ADAMTS12: variants seen among roughly 807,000 people sequenced by gnomAD.
ADAMTS12 encodes ADAM metallopeptidase with thrombospondin type 1 motif 12.
In ADAMTS12, 118 loss-of-function variants were observed where a neutral mutation model predicts 167.8. That is an observed-to-expected ratio of 0.70 (90% confidence interval 0.61 to 0.82). The LOEUF (loss-of-function observed/expected upper bound fraction) is 0.82. Among genes scored for constraint, ADAMTS12 ranks in the 40% least tolerant of loss-of-function variants. The pLI, the probability that ADAMTS12 is intolerant of heterozygous loss-of-function variation, is 0.00. For missense variants in ADAMTS12, 1,916 were observed against 1,998.8 expected, an observed-to-expected ratio of 0.96 and a Z score of 0.79; for synonymous variants, 704 against 716.9, an observed-to-expected ratio of 0.98 and a Z score of 0.29.
chr5:33,631,827 T>C (rs959518593), intron 12 of ADAMTS12, among the ~76,000 whole-genome samples: 1 of 152,188 alleles, frequency 6.6e-6, no homozygotes, highest in African/African-American at 2.4e-5. Flanking sequence ...TTGGGGTCTC[T>C]TCTGGATGTG....
chr5:33,664,752 A>G (rs1741407814), intron 5 of ADAMTS12, among the ~76,000 whole-genome samples: 1 of 152,154 alleles, frequency 6.6e-6, no homozygotes, highest in South Asian at 2.1e-4. Flanking sequence ...TTCTCAAAAA[A>G]TTAAAAAAAG....
chr5:33,725,619 G>A (rs145282361), intron 3 of ADAMTS12, among the ~76,000 whole-genome samples: 1 of 152,340 alleles, frequency 6.6e-6, no homozygotes, highest in African/African-American at 2.4e-5. Flanking sequence ...ACAGAACCGG[G>A]ACTTGGGCAC....
chr5:33,645,421 C>T (rs544876882), intron 9 of ADAMTS12, among the ~76,000 whole-genome samples: 7 of 152,162 alleles, frequency 4.6e-5, no homozygotes, highest in South Asian at 2.1e-4. Context: ...TTGAGAATCG[C>T]GGCTTCATGC....
At chr5:33,766,226 A>C (rs1348144183) in intron 2 of ADAMTS12, among the ~76,000 whole-genome samples, 1 of 152,192 alleles carries the variant, frequency 6.6e-6, no homozygotes, top group African/African-American at 2.4e-5. Context: ...CCACGTGATC[A>C]AGGTTAGCAT....
At chr5:33,643,733 G>A (rs1047190603) in intron 9 of ADAMTS12, among the ~76,000 whole-genome samples, 5 of 152,202 alleles carry the variant, frequency 3.3e-5, no homozygotes, top group African/African-American at 1.2e-4. Flanking sequence ...GGTTGAGATG[G>A]TCATTTCTAT....
intron 2 of ADAMTS12, among the ~76,000 whole-genome samples, chr5:33,835,014 T>A (rs1375027737): frequency 6.6e-6 from 1 of 152,170 alleles, no homozygotes; most frequent in African/African-American, 2.4e-5. Flanking sequence ...CAATAGAATA[T>A]AAACAATAGT....
intron 2 of ADAMTS12, among the ~76,000 whole-genome samples, chr5:33,772,510 A>G (rs538770153): frequency 6.6e-6 from 1 of 152,316 alleles, no homozygotes; most frequent in African/African-American, 2.4e-5. Flanking sequence ...AACATCCAGG[A>G]GGTCAGGAGA....
chr5:33,826,865 A>G (rs1193425956), intron 2 of ADAMTS12, among the ~76,000 whole-genome samples: 1 of 152,144 alleles, frequency 6.6e-6, no homozygotes, highest in Non-Finnish European at 1.5e-5. Context: ...TTTGGATGGT[A>G]GTGAGACCTC....
At chr5:33,638,119 A>G (rs4076944) in intron 11 of ADAMTS12, among the ~76,000 whole-genome samples, 79,100 of 151,970 alleles carry the variant, frequency 0.52, 22,401 homozygotes, top group Non-Finnish European at 0.62. Context: ...CCCACAGTCA[A>G]TCAGTTGCCT....
At chr5:33,553,239 A>G (rs1745336787) in intron 20 of ADAMTS12, among the ~76,000 whole-genome samples, 3 of 152,232 alleles carry the variant, frequency 2.0e-5, no homozygotes, top group Non-Finnish European at 4.4e-5. Flanking sequence ...GGTTGTGGAG[A>G]AAAAGGAATG....
rs1385124168 is a variant in ADAMTS12, at chr5:33,523,821, A to G, written c.*3367T>C. On this transcript the variant is annotated 3_prime_UTR_variant, in exon 24 of 24. Transcript: ENST00000504830. Reference sequence around the variant, plus strand: ...ACAGACAACAGGAGTAGCATCAAATATGTTAGCTAGGTTGTAACACCAGGC... The same window carrying G: ...ACAGACAACAGGAGTAGCATCAAATGTGTTAGCTAGGTTGTAACACCAGGC... The G allele has an allele frequency of 6.6e-6, 1 of 152,198 alleles. No individual in the cohort carries two copies. The highest frequency in any genetic ancestry group is 2.4e-5 in the African/African-American group (1 of 41,438). The allele number at this position is 152,198 out of a possible 1,614,324, so 9.4% of individuals were successfully genotyped here.
intron 14 of ADAMTS12, among the ~76,000 whole-genome samples, chr5:33,619,502 T>A (rs1171113302): frequency 6.6e-6 from 1 of 152,160 alleles, no homozygotes; most frequent in Admixed American, 6.5e-5. Context: ...ACTCATCTGA[T>A]GTCTCTTGCA....
At chr5:33,568,833 T>A (rs1032259514) in intron 19 of ADAMTS12, among the ~76,000 whole-genome samples, 31 of 152,198 alleles carry the variant, frequency 2.0e-4, no homozygotes, top group African/African-American at 7.5e-4. Flanking sequence ...GGAGTTCCCT[T>A]TCCTGGTCAA....
intron 2 of ADAMTS12, among the ~76,000 whole-genome samples, chr5:33,831,544 T>C (rs1028241400): frequency 1.3e-5 from 2 of 152,342 alleles, no homozygotes; most frequent in Admixed American, 6.5e-5. Flanking sequence ...TGAGAACTAA[T>C]AGCAGGTGCG....
At chr5:33,559,600 G>A (rs35585640) in intron 20 of ADAMTS12, among the ~76,000 whole-genome samples, 42,650 of 152,184 alleles carry the variant, frequency 0.28, 7,588 homozygotes, top group Non-Finnish European at 0.39. Context: ...GATCAGTATG[G>A]CTGGGTGTGG....
intron 2 of ADAMTS12, among the ~76,000 whole-genome samples, chr5:33,760,237 C>T (rs1745300192): frequency 6.6e-6 from 1 of 151,986 alleles, no homozygotes; most frequent in African/African-American, 2.4e-5. Context: ...CCCCAATTAA[C>T]ACTTAGTTAA....
intron 14 of ADAMTS12, among the ~76,000 whole-genome samples, chr5:33,622,460 C>G (rs1323189167): frequency 1.3e-5 from 2 of 152,114 alleles, no homozygotes; most frequent in Non-Finnish European, 2.9e-5. Context: ...TCAAGACCAT[C>G]CTGGCCAATA....
intron 1 of ADAMTS12, among the ~76,000 whole-genome samples, chr5:33,886,009 T>C (rs1007453409): frequency 6.6e-6 from 1 of 152,120 alleles, no homozygotes; most frequent in Non-Finnish European, 1.5e-5. Context: ...GAAGCAAACT[T>C]AATCTAGGAG....
intron 2 of ADAMTS12, among the ~76,000 whole-genome samples, chr5:33,803,020 G>A (rs1747070361): frequency 1.3e-5 from 2 of 152,152 alleles, no homozygotes; most frequent in African/African-American, 4.8e-5. Flanking sequence ...ATCAGCAAGT[G>A]TCACTGATAT....
Sources: allele counts gnomAD v4.1 joint callset (sites outside exome capture counted in the v4.1 genomes callset), GRCh38; gene constraint gnomAD v4.1.1; transcripts MANE v1.5; gene names NCBI Gene and HGNC (gene_info 2026-07-23, HGNC 2026-07-21).